The following STYK1 variants were observed in gnomAD, a reference collection of about 807,000 sequenced individuals.
STYK1 encodes STY kinase 1, also known as tyrosine-protein kinase STYK1.
In STYK1, 46 loss-of-function variants were observed where a neutral mutation model predicts 48.1. The observed-to-expected ratio is 0.96, with a 90% CI of 0.75 to 1.22. The LOEUF is 1.22. STYK1 is among the 50% of genes most tolerant of loss of function. The pLI, the probability that STYK1 is intolerant of heterozygous loss-of-function variation, is 0.00. For missense variants in STYK1, 527 were observed against 521.1 expected (o/e 1.01, Z -0.11); for synonymous variants, 188 against 189.0 (o/e 0.99, Z 0.04).
intron 1 of STYK1, among the ~76,000 whole-genome samples, chr12:10,657,534 T>C (rs908013414): frequency 4.6e-5 from 7 of 152,266 alleles, no homozygotes; most frequent in African/African-American, 1.4e-4. Context: ...TAAAAATGTC[T>C]TCCAAATTTA....
rs777198366 is a variant in STYK1 at position 10,631,101 on chromosome 12, T to A, written c.395A>T (p.Asn132Ile). 3 of 1,614,088 alleles carry A rather than the reference T, an allele frequency of 1.9e-6. No homozygotes were observed. The African/African-American group carries it at 4.0e-5, about 22-fold the overall frequency. The change falls in exon 5 of 11, where the codon AAT becomes ATT. Residue 132 changes from asparagine (N) to isoleucine (I), a missense_variant. By Grantham distance (149) the Asn-to-Ile change is moderately radical. Coordinates refer to ENST00000075503, the MANE Select transcript of STYK1 (RefSeq NM_018423.3). ...SGSCGPIFRA[N>I]MNTGDPSKPK... ...CTTAGAAGGGTCCCCAGTGTTCATA[T>A]TGGCTCGAAAGATGGGCCCACAGCT...
At chr12:10,622,120 C>T in intron 9 of STYK1, 148 bp from the exon 10 acceptor site, 4 of 631,790 alleles carry the variant, frequency 6.3e-6, no homozygotes, top group Non-Finnish European at 1.1e-5. Flanking sequence ...CCCTGGTGAT[C>T]AAATATGGAT....
intron 1 of STYK1, among the ~76,000 whole-genome samples, chr12:10,670,796 C>G (rs921602338): frequency 4.0e-5 from 6 of 150,288 alleles, no homozygotes. Flanking sequence ...AACTATTCCA[C>G]AATATATACA....
At chr12:10,639,805 T>C (rs1471610104) in intron 1 of STYK1, among the ~76,000 whole-genome samples, 2 of 152,228 alleles carry the variant, frequency 1.3e-5, no homozygotes, top group Non-Finnish European at 2.9e-5. Context: ...ACTACTTTGT[T>C]GTGCATATAT....
At chr12:10,638,102 T>C (rs1026057332) in intron 1 of STYK1, among the ~76,000 whole-genome samples, 13 of 152,242 alleles carry the variant, frequency 8.5e-5, no homozygotes, top group African/African-American at 3.1e-4. Context: ...TTATGAATAA[T>C]GAAATCCATG....
chr12:10,651,952 T>C (rs1420191265), intron 1 of STYK1, among the ~76,000 whole-genome samples: 4 of 152,200 alleles, frequency 2.6e-5, no homozygotes, highest in Non-Finnish European at 5.9e-5. Flanking sequence ...TTTTGTACTA[T>C]TCTTTTCCTA....
chr12:10,633,123 A>T (rs1311887047), intron 4 of STYK1, among the ~76,000 whole-genome samples: 2 of 152,222 alleles, frequency 1.3e-5, no homozygotes, highest in Non-Finnish European at 2.9e-5. Context: ...TTTTTTCAGT[A>T]TTTCAAGAAA....
chr12:10,622,601 G>T, intron 9 of STYK1, 37 bp downstream of exon 9: 1 of 1,612,502 alleles, frequency 6.2e-7, no homozygotes, highest in Non-Finnish European at 8.5e-7. Context: ...TTGCATATTT[G>T]CATACAGGTA....
intron 1 of STYK1, among the ~76,000 whole-genome samples, chr12:10,657,795 A>T (rs1375370144): frequency 3.3e-5 from 5 of 152,136 alleles, no homozygotes; most frequent in Admixed American, 3.3e-4. Context: ...TCACTTACTT[A>T]CCAGGTTTTG....
intron 9 of STYK1, among the ~76,000 whole-genome samples, chr12:10,622,215 C>A (rs1865919421): frequency 6.6e-6 from 1 of 152,092 alleles, no homozygotes; most frequent in South Asian, 2.1e-4. Context: ...AGAAAGTGAT[C>A]AAATAAGACA....
chr12:10,634,818 C>CTCTA (rs1162729133), intron 2 of STYK1, 132 bp from the exon 3 acceptor site: 2 of 589,658 alleles, frequency 3.4e-6, no homozygotes, highest in African/African-American at 3.7e-5. Context: ...ATCCGTTTAT[C>CTCTA]TCTATCTACC....
chr12:10,622,104 G>T, intron 9 of STYK1, 132 bp from the exon 10 acceptor site: 1 of 678,142 alleles, frequency 1.5e-6, no homozygotes, highest in Non-Finnish European at 2.5e-6. Context: ...ATACAATTCA[G>T]TTGCTCCCTG....
chr12:10,660,689 C>T lies in STYK1; in HGVS notation c.-195+13277G>A, dbSNP rs143977963. ...AAACCCACCTAAACCAAGATGGCCA[C>T]AAAAGTGACCTCTGGTCATCCTCAT... On this transcript the variant is annotated intron_variant, in intron 1 of 10. Coordinates refer to ENST00000075503, the MANE Select transcript of STYK1 (RefSeq NM_018423.3). Among the ~76,000 whole-genome samples the T allele has an allele frequency of 8.8e-3, 1,335 of 152,292 alleles. 19 individuals are homozygous for T. Among genetic ancestry groups the T allele is most frequent in the African/African-American group, 0.03 (1,252 of 41,562 alleles).
intron 1 of STYK1, among the ~76,000 whole-genome samples, chr12:10,656,454 G>C (rs1007352311): frequency 1.6e-4 from 24 of 151,986 alleles, no homozygotes; most frequent in African/African-American, 5.8e-4. Context: ...GTGAAACCCT[G>C]TCTCCACTAA....
chr12:10,650,387 T>C (rs1947649946), intron 1 of STYK1, among the ~76,000 whole-genome samples: 1 of 152,210 alleles, frequency 6.6e-6, no homozygotes, highest in Non-Finnish European at 1.5e-5. Flanking sequence ...CATCAGAGGA[T>C]TCTAGTGAGA....
intron 2 of STYK1, among the ~76,000 whole-genome samples, chr12:10,635,213 T>A (rs1006556533): frequency 6.6e-6 from 1 of 152,240 alleles, no homozygotes; most frequent in Non-Finnish European, 1.5e-5. Flanking sequence ...CTCAAACTCT[T>A]GGGCTCAATT....
Position 10,629,641 on chromosome 12 carries a change from A to G in STYK1, c.485T>C (p.Leu162Ser), listed in dbSNP as rs1371501795. 2 of 1,614,060 alleles carry G rather than the reference A, an allele frequency of 1.2e-6. No individual in the cohort carries two copies. Among genetic ancestry groups the G allele is most frequent in the Admixed American group, 1.7e-5 (1 of 59,994 alleles). The change falls in exon 6 of 11, where the codon TTA becomes TCA. Residue 162 changes from leucine to serine, a missense_variant. Physicochemically the swap from Leu to Ser is moderately radical, Grantham distance 145. Transcript: ENST00000075503. ...PAGLHEVQDFLGRIQFHQYLG... is the reference protein window; with the variant it reads ...PAGLHEVQDFSGRIQFHQYLG... ...GTATTGATGGAATTGGATTCGCCCT[A>G]AGAAATCTTGTACCTCATGGAGCCC...
intron 1 of STYK1, among the ~76,000 whole-genome samples, chr12:10,657,971 C>T (rs1256317718): frequency 6.6e-6 from 1 of 152,066 alleles, no homozygotes; most frequent in Non-Finnish European, 1.5e-5. Flanking sequence ...GTTTAGAAGG[C>T]TAAGGGGTTC....
At chr12:10,627,752 A>G in intron 6 of STYK1, 28 bp from the exon 7 acceptor site, 1 of 1,570,772 alleles carries the variant, frequency 6.4e-7, no homozygotes, top group Non-Finnish European at 8.7e-7. Context: ...AAAAGCCATT[A>G]TATCAAAATA....
Sources: allele counts gnomAD v4.1 joint callset (sites outside exome capture counted in the v4.1 genomes callset), GRCh38; gene constraint gnomAD v4.1.1; transcripts MANE v1.5; gene names NCBI Gene and HGNC (gene_info 2026-07-23, HGNC 2026-07-21).